Variants in PDZD2 observed in about 807,000 individuals in gnomAD.
PDZD2 encodes PDZ domain containing 2.
In PDZD2, 90 loss-of-function variants were observed where a neutral mutation model predicts 220.7. The observed-to-expected ratio is 0.41, with a 90% CI of 0.34 to 0.49. The LOEUF (loss-of-function observed/expected upper bound fraction) is 0.49, where lower values mean the gene tolerates loss of function less well. PDZD2 is among the 20% of genes least tolerant of loss of function. PDZD2 has a pLI of 0.28. For synonymous variants in PDZD2, 1,375 were observed against 1,450.5 expected (o/e 0.95, Z 1.18); for missense variants, 3,174 against 3,608.5 (o/e 0.88, Z 3.08).
intron 1 of PDZD2, among the ~76,000 whole-genome samples, chr5:31,766,076 G>A (rs999817706): frequency 2.0e-5 from 3 of 152,042 alleles, no homozygotes; most frequent in Non-Finnish European, 4.4e-5. Context: ...GCTACTCAGG[G>A]GGCTGGGGTG....
chr5:31,960,709 C>T (rs1056319763), intron 2 of PDZD2, among the ~76,000 whole-genome samples: 3 of 151,526 alleles, frequency 2.0e-5, no homozygotes, highest in Non-Finnish European at 4.4e-5. Context: ...GCAAGCCAGT[C>T]CCCCTTTTAT....
In PDZD2 at chr5:32,108,927, G is replaced by C. The variant is rs774627568; in HGVS notation, c.*792G>C. On this transcript the variant is annotated 3_prime_UTR_variant, in exon 25 of 25. Coordinates refer to ENST00000438447, the MANE Select transcript of PDZD2 (RefSeq NM_178140.4). ...AAATAGCCATGAGCTTCACTGCTTA[G>C]AGGGAGCAGAAAGGTCAACATCTAA... is the stretch of plus-strand genomic sequence containing the variant. 6.6e-6 allele frequency: 1 copy of C among 152,642 alleles called. No homozygotes were observed. The highest frequency in any genetic ancestry group is 1.5e-5 in the Non-Finnish European group (1 of 68,048). 9.5% of individuals were successfully genotyped at this position (152,642 alleles called of 1,614,324 possible). A position where few individuals can be genotyped will look rare whatever the true frequency, so the allele number is the denominator to read the frequency against.
At chr5:31,705,187 C>T (rs923990651) in intron 1 of PDZD2, among the ~76,000 whole-genome samples, 2 of 62,544 alleles carry the variant, frequency 3.2e-5, no homozygotes, top group Admixed American at 1.8e-4. Context: ...CACACACACA[C>T]ACACACACAC....
intron 1 of PDZD2, among the ~76,000 whole-genome samples, chr5:31,724,878 A>G (rs1394334320): frequency 6.6e-6 from 1 of 152,216 alleles, no homozygotes; most frequent in Non-Finnish European, 1.5e-5. Flanking sequence ...AAATATGAAT[A>G]TGAAAGTTTA....
At position 31,688,204 on chromosome 5, in the gene PDZD2, G is replaced by A. The variant is rs565618513; in HGVS notation, c.-361+48767G>A. Among the ~76,000 whole-genome samples the A allele has an allele frequency of 7.2e-4, 109 of 151,780 alleles. 3 individuals are homozygous for A. The South Asian group carries it at 0.022, about 31-fold the overall frequency. On this transcript the variant is annotated intron_variant, in intron 1 of 24. Transcript: ENST00000438447. Reference sequence around the variant, plus strand: ...GATGATAAATGGCCTCAGGGTGGTTGAGATCAGGCAAAGTTTTGCTGTCAG... The same window carrying A: ...GATGATAAATGGCCTCAGGGTGGTTAAGATCAGGCAAAGTTTTGCTGTCAG...
chr5:31,969,415 G>T (rs893960248), intron 2 of PDZD2, among the ~76,000 whole-genome samples: 1 of 150,070 alleles, frequency 6.7e-6, no homozygotes, highest in African/African-American at 2.5e-5. Context: ...AGGCTGAGGT[G>T]GGGGAATGGC....
chr5:31,962,054 T>C (rs1748291621), intron 2 of PDZD2, among the ~76,000 whole-genome samples: 1 of 152,244 alleles, frequency 6.6e-6, no homozygotes, highest in South Asian at 2.1e-4. Context: ...TTTGGAACTT[T>C]AGCCATATGA....
chr5:31,778,392 T>G (rs1401359344), intron 1 of PDZD2, among the ~76,000 whole-genome samples: 1 of 152,178 alleles, frequency 6.6e-6, no homozygotes, highest in Non-Finnish European at 1.5e-5. Flanking sequence ...GCTCACTCTT[T>G]GGGTCTGCAC....
intron 2 of PDZD2, among the ~76,000 whole-genome samples, chr5:31,802,726 G>A (rs574834048): frequency 1.3e-5 from 2 of 151,972 alleles, no homozygotes; most frequent in African/African-American, 4.8e-5. Context: ...CGGGACCATC[G>A]TGGCTAACAT....
intron 2 of PDZD2, among the ~76,000 whole-genome samples, chr5:31,920,851 A>C (rs979130156): frequency 2.6e-5 from 4 of 152,148 alleles, no homozygotes; most frequent in African/African-American, 9.7e-5. Flanking sequence ...AGAATGTCAT[A>C]TAGTTGGAAT....
intron 1 of PDZD2, among the ~76,000 whole-genome samples, chr5:31,722,422 T>A (rs966735393): frequency 6.6e-6 from 1 of 151,576 alleles, no homozygotes; most frequent in African/African-American, 2.4e-5. Context: ...TCTGTACAGC[T>A]GATTTCTTCT....
At chr5:31,991,612 T>C (rs1018382113) in intron 3 of PDZD2, among the ~76,000 whole-genome samples, 2 of 152,248 alleles carry the variant, frequency 1.3e-5, no homozygotes, top group African/African-American at 2.4e-5. Flanking sequence ...GTTGGAAATA[T>C]CCTTAATATC....
At chr5:32,004,018 G>T (rs1270847915) in intron 5 of PDZD2, among the ~76,000 whole-genome samples, 1 of 151,780 alleles carries the variant, frequency 6.6e-6, no homozygotes, top group African/African-American at 2.4e-5. Context: ...AGCCTCTCCT[G>T]CTAGTTTGGA....
rs1267903430 is a variant in PDZD2 at position 31,639,688 on chromosome 5, G to T, written c.-361+251G>T. Among the ~76,000 whole-genome samples the T allele has an allele frequency of 6.6e-6, 1 of 152,178 alleles. No individual in the cohort carries two copies. The highest frequency in any genetic ancestry group is 1.5e-5 in the Non-Finnish European group (1 of 68,000). ...CCCAGGGGAGGGGGCTAGACAGAGCGGGACCGAGACAGCGGGACAACCGGA... is the reference window on the plus strand; with the variant it reads ...CCCAGGGGAGGGGGCTAGACAGAGCTGGACCGAGACAGCGGGACAACCGGA... On this transcript the variant is annotated intron_variant, in intron 1 of 24. Coordinates refer to ENST00000438447, the MANE Select transcript of PDZD2 (RefSeq NM_178140.4). The surrounding 1 kb of genome is among the most constrained non-coding windows in gnomAD (Gnocchi z 4.1).
chr5:31,924,111 C>T (rs963393339), intron 2 of PDZD2, among the ~76,000 whole-genome samples: 1 of 152,156 alleles, frequency 6.6e-6, no homozygotes, highest in Non-Finnish European at 1.5e-5. Context: ...TTGGAGCTTC[C>T]AAACTCTCCC....
intron 1 of PDZD2, among the ~76,000 whole-genome samples, chr5:31,759,430 G>A (rs1030807075): frequency 2.0e-5 from 3 of 152,218 alleles, no homozygotes; most frequent in African/African-American, 7.2e-5. Flanking sequence ...GCCAACATGT[G>A]GCCCATGGAA....
chr5:31,866,200 T>C (rs934375912), intron 2 of PDZD2, among the ~76,000 whole-genome samples: 1 of 151,848 alleles, frequency 6.6e-6, no homozygotes, highest in South Asian at 2.1e-4. Flanking sequence ...GGTTTTGCCA[T>C]GTTGTCCAGG....
intron 17 of PDZD2, among the ~76,000 whole-genome samples, chr5:32,073,086 A>G (rs1740911348): frequency 6.6e-6 from 1 of 152,090 alleles, no homozygotes; most frequent in South Asian, 2.1e-4. Flanking sequence ...TATGATCCAT[A>G]CCGATTTCTC....
Position 31,992,468 on chromosome 5 carries a change from G to A in PDZD2, c.979-3108G>A, listed in dbSNP as rs563296907. On this transcript the variant is annotated intron_variant, in intron 3 of 24. Coordinates refer to ENST00000438447, the MANE Select transcript of PDZD2 (RefSeq NM_178140.4). The stretch of plus-strand genomic sequence containing the variant: ...ATATATATACATTTGAGCTGATATT[G>A]TATTCCCATGAACATCGTTTTGCAT... Among the ~76,000 whole-genome samples the A allele has an allele frequency of 1.2e-4, 19 of 152,120 alleles. No individual in the cohort carries two copies. In the South Asian group the frequency reaches 3.7e-3, roughly 30 times the overall value.
Sources: gnomAD v4.1 joint callset for allele counts (sites outside exome capture counted in the v4.1 genomes callset) on GRCh38, gnomAD v4.1.1 for gene constraint, Gnocchi (gnomAD v3.1) non-coding constraint, MANE v1.5 for transcripts, NCBI Gene and HGNC (gene_info 2026-07-23, HGNC 2026-07-21) for gene names.